Variants in ST7 observed in about 807,000 individuals in gnomAD.
ST7 encodes the protein suppressor of tumorigenicity 7 protein.
In ST7, 28 loss-of-function variants were observed where a neutral mutation model predicts 78.7. The observed-to-expected ratio is 0.36, with a 90% confidence interval of 0.26 to 0.49. The LOEUF is 0.49. Ranked by LOEUF, ST7 falls within the 20% of genes least tolerant of loss-of-function variation. The pLI is 0.99. For synonymous variants in ST7, 247 were observed against 249.6 expected (o/e 0.99, Z 0.10); for missense variants, 418 against 696.0 (o/e 0.60, Z 4.49).
chr7:117,134,163 T>A lies in ST7; in HGVS notation c.681T>A (p.Ser227=). ...TTGAAGTTCCCCTAATTGCTTCCTC[T>A]ACCATCTGGGAGATAAAATTGTTAC... The part of the protein sequence containing the change: ...SRVEVPLIAS[S]TIWEIKLLPK... The change falls in exon 7 of 16, where the codon TCT becomes TCA. Residue 227 remains serine (S), a synonymous_variant. Coordinates refer to ENST00000323984, the MANE Select transcript of ST7 (RefSeq NM_001369598.1). 1 of 1,612,128 alleles carries A rather than the reference T, an allele frequency of 6.2e-7. No individual in the cohort carries two copies. Among genetic ancestry groups the A allele is most frequent in the Non-Finnish European group, 8.5e-7 (1 of 1,178,786 alleles).
intron 1 of ST7, among the ~76,000 whole-genome samples, chr7:117,081,524 A>C (rs1380416201): frequency 1.3e-5 from 2 of 152,206 alleles, no homozygotes; most frequent in Non-Finnish European, 2.9e-5. Flanking sequence ...AATTTTAATC[A>C]TTTCATTCAT....
At chr7:116,990,236 G>A (rs757155674) in intron 1 of ST7, among the ~76,000 whole-genome samples, 7 of 152,102 alleles carry the variant, frequency 4.6e-5, no homozygotes, top group Non-Finnish European at 1.0e-4. Context: ...ACGCCCGGCC[G>A]GTGATTAACC....
chr7:116,989,204 G>C (rs1422910339), intron 1 of ST7, among the ~76,000 whole-genome samples: 1 of 152,206 alleles, frequency 6.6e-6, no homozygotes, highest in Non-Finnish European at 1.5e-5. Flanking sequence ...TATTGAGTCT[G>C]AAATGCAGTG....
At chr7:117,208,800 TC>T (rs1264976065) in intron 12 of ST7, among the ~76,000 whole-genome samples, 1 of 152,144 alleles carries the variant, frequency 6.6e-6, no homozygotes, top group African/African-American at 2.4e-5. Context: ...GATCTTGCTG[TC>T]CATATCCCTC....
chr7:117,107,603 CTTTTTTTTT>C (rs71528121), intron 2 of ST7, among the ~76,000 whole-genome samples: 8 of 73,582 alleles, frequency 1.1e-4, no homozygotes, highest in African/African-American at 3.1e-4. Context: ...TAGCCCACTT[CTTTTTTTTT>C]TTTTTTTTTT....
intron 1 of ST7, among the ~76,000 whole-genome samples, chr7:116,958,267 C>T (rs576325978): frequency 2.9e-5 from 4 of 136,552 alleles, no homozygotes; most frequent in African/African-American, 1.1e-4. Context: ...TGCTGGGATT[C>T]CAGGTGTGAG....
At chr7:117,186,272 C>T (rs1256067195) in intron 10 of ST7, among the ~76,000 whole-genome samples, 1 of 152,110 alleles carries the variant, frequency 6.6e-6, no homozygotes, top group African/African-American at 2.4e-5. Flanking sequence ...TCCAAATTGC[C>T]AGCATCACTA....
intron 10 of ST7, among the ~76,000 whole-genome samples, chr7:117,181,217 C>T (rs1345646297): frequency 1.3e-5 from 2 of 152,040 alleles, no homozygotes; most frequent in Non-Finnish European, 2.9e-5. Flanking sequence ...ACGTACAAGT[C>T]AGGTATAAAC....
In ST7 at chr7:116,953,599, G is replaced by A. The variant is rs764988892; in HGVS notation, c.59G>A (p.Trp20Ter). ...CTCAAGTCCTGCATAGTTTGGTCTT[G>A]GACGTATCTGTGGACCGTGTGGTTC... is the stretch of plus-strand genomic sequence containing the variant. Reference protein sequence around the residue: ...EQLKSCIVWSWTYLWTVWFFI... With the variant: ...EQLKSCIVWS The change falls in exon 1 of 16, where the codon TGG becomes TAG. Residue 20 changes from tryptophan (W) to a stop codon, truncating the protein, a stop_gained. Coordinates refer to ENST00000323984, the MANE Select transcript of ST7 (RefSeq NM_001369598.1). LOFTEE classifies it high-confidence loss of function. 6.6e-7 allele frequency: 1 copy of A among 1,506,188 alleles called. No homozygotes were observed. The allele number at this position is 1,506,188 out of a possible 1,614,324, so 93.3% of individuals were successfully genotyped here. A position where few individuals can be genotyped will look rare whatever the true frequency, so the allele number is the denominator to read the frequency against.
intron 1 of ST7, among the ~76,000 whole-genome samples, chr7:117,055,197 C>T (rs1464476246): frequency 6.6e-6 from 1 of 151,750 alleles, no homozygotes; most frequent in Non-Finnish European, 1.5e-5. Flanking sequence ...TTTTCTGCTC[C>T]TTAATTTTTT....
intron 3 of ST7, among the ~76,000 whole-genome samples, chr7:117,129,291 A>G (rs1447698581): frequency 1.3e-5 from 2 of 151,830 alleles, no homozygotes; most frequent in Non-Finnish European, 2.9e-5. Flanking sequence ...CTTTCCTGTA[A>G]GGCAAAAGCA....
chr7:117,212,580 T>G (rs1463408523), intron 13 of ST7, among the ~76,000 whole-genome samples: 1 of 152,142 alleles, frequency 6.6e-6, no homozygotes, highest in African/African-American at 2.4e-5. Context: ...ATTTTAAATA[T>G]CGAATGAGAC....
At chr7:117,180,863 T>C (rs529803918) in intron 10 of ST7, among the ~76,000 whole-genome samples, 27 of 152,270 alleles carry the variant, frequency 1.8e-4, no homozygotes, top group African/African-American at 5.8e-4. Flanking sequence ...GTCACCTAGG[T>C]TGTTTCTTGA....
chr7:117,063,568 G>A (rs1040832573), intron 1 of ST7, among the ~76,000 whole-genome samples: 5 of 152,110 alleles, frequency 3.3e-5, no homozygotes, highest in African/African-American at 7.2e-5. Context: ...AATTAGCTGG[G>A]TGTGGTGGCA....
At chr7:117,012,763 G>A (rs956840384) in intron 1 of ST7, among the ~76,000 whole-genome samples, 1 of 152,082 alleles carries the variant, frequency 6.6e-6, no homozygotes, top group Non-Finnish European at 1.5e-5. Context: ...GCTTAATTAG[G>A]ATAATCTATG....
chr7:117,086,804 A>G (rs1800181502), intron 1 of ST7, among the ~76,000 whole-genome samples: 1 of 152,220 alleles, frequency 6.6e-6, no homozygotes, highest in African/African-American at 2.4e-5. Context: ...GGACCTGAGG[A>G]GATAATTTTA....
In ST7 at chr7:117,071,591, A is replaced by G. The variant is rs999149919; in HGVS notation, c.152-28171A>G. ...ATAAATATTAATTCAGGCCTTCCGA[A>G]CCTTTTCCATATCATGGCATGTATA... On this transcript the variant is annotated intron_variant, in intron 1 of 15. Coordinates refer to ENST00000323984, the MANE Select transcript of ST7 (RefSeq NM_001369598.1). Among the ~76,000 whole-genome samples the G allele has an allele frequency of 2.0e-5, 3 of 152,226 alleles. No individual in the cohort carries two copies. The East Asian group carries it at 5.8e-4, about 29-fold the overall frequency.
intron 12 of ST7, among the ~76,000 whole-genome samples, chr7:117,197,782 G>A (rs1810458308): frequency 6.6e-6 from 1 of 152,200 alleles, no homozygotes; most frequent in African/African-American, 2.4e-5. Flanking sequence ...TGACCTAAAG[G>A]TAAGGAGAGC....
At chr7:117,077,878 C>A (rs1249562540) in intron 1 of ST7, among the ~76,000 whole-genome samples, 1 of 140,262 alleles carries the variant, frequency 7.1e-6, no homozygotes, top group Non-Finnish European at 1.5e-5. Flanking sequence ...CAGGGTCTTG[C>A]TCTGTCCCCC....
Sources: allele counts gnomAD v4.1 joint callset (sites outside exome capture counted in the v4.1 genomes callset), GRCh38; gene constraint gnomAD v4.1.1; transcripts MANE v1.5; gene names NCBI Gene and HGNC (gene_info 2026-07-23, HGNC 2026-07-21).